The following NR3C2 variants were observed in gnomAD, a reference collection of about 807,000 sequenced individuals.
NR3C2 encodes nuclear receptor subfamily 3 group C member 2.
Under a neutral mutation model 86.4 loss-of-function variants are expected in NR3C2, and 15 were observed. That is an observed-to-expected ratio of 0.17 (90% CI 0.12 to 0.27). The LOEUF is 0.27. Among genes scored for constraint, NR3C2 ranks in the 10% least tolerant of loss-of-function variants. The probability of loss-of-function intolerance (pLI) is 1.00; values close to 1 mark genes in which losing one functional copy is unlikely to be tolerated. For missense variants in NR3C2, 960 were observed against 1,195.6 expected (o/e 0.80, Z 2.91); for synonymous variants, 458 against 450.5 (o/e 1.02, Z -0.21).
At chr4:148,381,656 AACAC>A (rs1420901636) in intron 2 of NR3C2, among the ~76,000 whole-genome samples, 2 of 152,218 alleles carry the variant, frequency 1.3e-5, no homozygotes, top group Non-Finnish European at 2.9e-5. Flanking sequence ...TATTTTTAAA[AACAC>A]AAAATCAGAA....
intron 2 of NR3C2, among the ~76,000 whole-genome samples, chr4:148,323,410 G>A (rs1030663919): frequency 2.7e-5 from 4 of 147,300 alleles, no homozygotes; most frequent in Non-Finnish European, 5.9e-5. Flanking sequence ...GCTCCACCCA[G>A]TTCGAGCTTC....
At chr4:148,093,295 G>A (rs1731140702) in intron 8 of NR3C2, among the ~76,000 whole-genome samples, 1 of 152,170 alleles carries the variant, frequency 6.6e-6, no homozygotes, top group Non-Finnish European at 1.5e-5. Flanking sequence ...GCCACTCCCC[G>A]CTCTCCCTGC....
chr4:148,387,846 T>C lies in NR3C2; in HGVS notation c.1757+47258A>G, dbSNP rs61764778. Reference sequence around the variant, plus strand: ...TGTTTTTATTCTACACAACTACGAATGTCTTAATTATGAAATGTGGAGCAA... The same window carrying C: ...TGTTTTTATTCTACACAACTACGAACGTCTTAATTATGAAATGTGGAGCAA... On this transcript the variant is annotated intron_variant, in intron 2 of 8. Transcript: ENST00000358102. Among the ~76,000 whole-genome samples the C allele has an allele frequency of 1.3e-3, 193 of 152,356 alleles. 1 individual carries two copies. The highest frequency in any genetic ancestry group is 6.4e-3 in the South Asian group (31 of 4,828).
intron 4 of NR3C2, among the ~76,000 whole-genome samples, chr4:148,157,076 G>A (rs1367341551): frequency 6.9e-6 from 1 of 145,660 alleles, no homozygotes; most frequent in Non-Finnish European, 1.5e-5. Flanking sequence ...AACACCGCAG[G>A]TTCTCACTCA....
intron 4 of NR3C2, among the ~76,000 whole-genome samples, chr4:148,178,932 T>TAAAAAAAAAAAAAA (rs58576220): frequency 4.2e-5 from 4 of 95,288 alleles, no homozygotes; most frequent in African/African-American, 7.2e-5. Context: ...AAGAAGCAGG[T>TAAAAAAAAAAAAAA]AAAAAAAAAA....
chr4:148,182,546 A>AT (rs1313691046), intron 4 of NR3C2, among the ~76,000 whole-genome samples: 10 of 152,204 alleles, frequency 6.6e-5, no homozygotes, highest in Non-Finnish European at 1.0e-4. Context: ...TTTCAGCAAG[A>AT]TTTTTTACCA....
At chr4:148,239,601 G>A (rs960323414) in intron 3 of NR3C2, among the ~76,000 whole-genome samples, 5 of 152,204 alleles carry the variant, frequency 3.3e-5, no homozygotes, top group Admixed American at 2.0e-4. Flanking sequence ...GGCAACTGGC[G>A]AGTTGCCAGG....
intron 8 of NR3C2, among the ~76,000 whole-genome samples, chr4:148,094,744 C>CA (rs58228508): frequency 0.036 from 5,150 of 144,748 alleles, 276 homozygotes; most frequent in African/African-American, 0.12. Context: ...AACAAAAAAA[C>CA]AAAAAAAAAA....
chr4:148,134,440 GA>G (rs1168212878), intron 6 of NR3C2, among the ~76,000 whole-genome samples: 1 of 152,074 alleles, frequency 6.6e-6, no homozygotes, highest in African/African-American at 2.4e-5. Context: ...CAAGATAGAT[GA>G]GGGGTAAAAG....
intron 3 of NR3C2, among the ~76,000 whole-genome samples, chr4:148,223,240 A>T (rs1737957714): frequency 6.6e-6 from 1 of 152,098 alleles, no homozygotes; most frequent in Non-Finnish European, 1.5e-5. Flanking sequence ...ATCTCAATGC[A>T]TTCTTTCTCC....
intron 3 of NR3C2, among the ~76,000 whole-genome samples, chr4:148,252,654 C>T (rs1739633091): frequency 6.6e-6 from 1 of 152,172 alleles, no homozygotes. Context: ...TTAAGAACAT[C>T]ATAAGTCAGG....
At chr4:148,202,462 C>A (rs964136967) in intron 3 of NR3C2, among the ~76,000 whole-genome samples, 1 of 152,192 alleles carries the variant, frequency 6.6e-6, no homozygotes, top group Non-Finnish European at 1.5e-5. Flanking sequence ...CTTGGGGAGG[C>A]CTGTCCTGAT....
At chr4:148,093,606 G>A (rs1241818968) in intron 8 of NR3C2, among the ~76,000 whole-genome samples, 2 of 152,184 alleles carry the variant, frequency 1.3e-5, no homozygotes, top group Non-Finnish European at 2.9e-5. Context: ...GCGATATGTT[G>A]GGGTTAGGGC....
At chr4:148,320,577 A>G (rs1173430102) in intron 2 of NR3C2, among the ~76,000 whole-genome samples, 2 of 148,450 alleles carry the variant, frequency 1.3e-5, no homozygotes, top group Admixed American at 1.3e-4. Context: ...CTATTCAGAG[A>G]TTCAACTTCT....
At chr4:148,148,083 T>TGGATAATTCTTCAAAGGCAAGTCAA (rs6148713) in intron 6 of NR3C2, among the ~76,000 whole-genome samples, 48,302 of 151,234 alleles carry the variant, frequency 0.32, 8,461 homozygotes, top group East Asian at 0.56. Context: ...TACGTCTTCT[T>TGGATAATTCTTCAAAGGCAAGTCAA]GGATAATTCT....
Position 148,131,473 on chromosome 4 carries a change from T to A in NR3C2, c.2511-11185A>T, listed in dbSNP as rs373582254. Reference sequence around the variant, plus strand: ...CAATTAGAATAAAAATGACCCCAATTTGAACATTCAAATTATTCCAGTTTA... The same window carrying A: ...CAATTAGAATAAAAATGACCCCAATATGAACATTCAAATTATTCCAGTTTA... On this transcript the variant is annotated intron_variant, in intron 6 of 8. Transcript: ENST00000358102. 8.5e-5 allele frequency among the ~76,000 whole-genome samples: 13 copies of A among 152,330 alleles called. No homozygotes were observed. In the South Asian group the frequency reaches 1.7e-3, roughly 19 times the overall value.
chr4:148,379,705 A>G (rs955070372), intron 2 of NR3C2, among the ~76,000 whole-genome samples: 3 of 152,252 alleles, frequency 2.0e-5, no homozygotes, highest in African/African-American at 4.8e-5. Context: ...AATGATGCCA[A>G]TGATAAAGAG....
At chr4:148,139,399 C>A (rs1167754771) in intron 6 of NR3C2, among the ~76,000 whole-genome samples, 1 of 150,232 alleles carries the variant, frequency 6.7e-6, no homozygotes, top group Non-Finnish European at 1.5e-5. Context: ...TAGCACGACA[C>A]CTTCCATAAG....
intron 2 of NR3C2, among the ~76,000 whole-genome samples, chr4:148,284,448 T>A (rs780618891): frequency 1.2e-4 from 18 of 152,294 alleles, no homozygotes; most frequent in Non-Finnish European, 2.4e-4. Context: ...CATGACAGTG[T>A]CAAGACTAGG....
Sources: gnomAD v4.1 joint callset for allele counts (sites outside exome capture counted in the v4.1 genomes callset) on GRCh38, gnomAD v4.1.1 for gene constraint, MANE v1.5 for transcripts, NCBI Gene and HGNC (gene_info 2026-07-23, HGNC 2026-07-21) for gene names.